PEAK1: variants seen among roughly 807,000 people sequenced by gnomAD.
PEAK1 encodes the protein inactive tyrosine-protein kinase PEAK1.
Under a neutral mutation model 124.7 loss-of-function variants are expected in PEAK1, and 54 were observed. The ratio of observed to expected loss-of-function variants is 0.43; its 90% CI spans 0.35 to 0.54. The LOEUF is 0.54. PEAK1 is among the 20% of genes least tolerant of loss of function. PEAK1 has a pLI of 0.01. For missense variants in PEAK1, 2,046 were observed against 2,134.5 expected, an observed-to-expected ratio of 0.96 and a Z score of 0.82; for synonymous variants, 719 against 760.0, an observed-to-expected ratio of 0.95 and a Z score of 0.89.
In PEAK1 at chr15:77,412,703, G is replaced by C. The variant is rs184482809; in HGVS notation, c.-666+7303C>G. Among the ~76,000 whole-genome samples, 67 of 152,196 alleles carry C rather than the reference G, an allele frequency of 4.4e-4. 1 individual carries two copies. The highest frequency in any genetic ancestry group is 7.9e-4 in the Admixed American group (12 of 15,284). ...CAGCAATGAGCACACTTAGCATCCA[G>C]ATCTTGGCTTCAAAATATCATCCTC... On this transcript the variant is annotated intron_variant, in intron 1 of 9. Transcript: ENST00000682557.
intron 6 of PEAK1, among the ~76,000 whole-genome samples, chr15:77,226,179 T>C (rs1160775850): frequency 6.8e-6 from 1 of 147,110 alleles, no homozygotes; most frequent in Non-Finnish European, 1.5e-5. Flanking sequence ...CTCTTTTCTC[T>C]TGTGGCTTTT....
At chr15:77,386,161 A>C (rs1197713009) in intron 1 of PEAK1, among the ~76,000 whole-genome samples, 3 of 152,230 alleles carry the variant, frequency 2.0e-5, no homozygotes, top group Admixed American at 2.0e-4. Flanking sequence ...TATTCCTCAG[A>C]AAATCTATTT....
chr15:77,126,258 C>T (rs973952283), intron 9 of PEAK1, among the ~76,000 whole-genome samples: 4 of 152,134 alleles, frequency 2.6e-5, no homozygotes, highest in African/African-American at 7.2e-5. Context: ...CATAATTTTA[C>T]GTAGTCTTCA....
At chr15:77,163,374 T>C (rs749534201) in intron 7 of PEAK1, among the ~76,000 whole-genome samples, 1 of 152,244 alleles carries the variant, frequency 6.6e-6, no homozygotes, top group Non-Finnish European at 1.5e-5. Flanking sequence ...TTGTCTGTTA[T>C]ATAAACAAAT....
At chr15:77,242,660 G>A (rs1265608898) in intron 6 of PEAK1, among the ~76,000 whole-genome samples, 1 of 152,106 alleles carries the variant, frequency 6.6e-6, no homozygotes, top group Non-Finnish European at 1.5e-5. Flanking sequence ...CCTATTTTTA[G>A]TTTGTGTGCC....
intron 8 of PEAK1, among the ~76,000 whole-genome samples, chr15:77,147,417 G>A (rs2054247939): frequency 6.6e-6 from 1 of 152,160 alleles, no homozygotes; most frequent in Admixed American, 6.5e-5. Context: ...TTCTAAAAAG[G>A]AATGTAGAAG....
At chr15:77,370,400 T>A (rs1244954583) in intron 1 of PEAK1, among the ~76,000 whole-genome samples, 3 of 152,118 alleles carry the variant, frequency 2.0e-5, no homozygotes, top group Non-Finnish European at 4.4e-5. Flanking sequence ...AAATGTCACC[T>A]CAGGGGAAAA....
At chr15:77,125,642 C>A (rs1451820053) in intron 9 of PEAK1, among the ~76,000 whole-genome samples, 1 of 152,212 alleles carries the variant, frequency 6.6e-6, no homozygotes, top group Non-Finnish European at 1.5e-5. Flanking sequence ...GCAAAGGTAA[C>A]AGCTAATATG....
chr15:77,160,105 T>A (rs2055498706), intron 7 of PEAK1, among the ~76,000 whole-genome samples: 1 of 152,020 alleles, frequency 6.6e-6, no homozygotes, highest in South Asian at 2.1e-4. Flanking sequence ...CTCGATGGGC[T>A]GCCCTCGGTC....
At chr15:77,125,808 C>T (rs1286183597) in intron 9 of PEAK1, among the ~76,000 whole-genome samples, 1 of 152,328 alleles carries the variant, frequency 6.6e-6, no homozygotes, top group East Asian at 1.9e-4. Flanking sequence ...CATTCTGATT[C>T]TGTAGGAAAT....
chr15:77,256,804 C>G (rs1161907997), intron 5 of PEAK1, among the ~76,000 whole-genome samples: 1 of 151,850 alleles, frequency 6.6e-6, no homozygotes, highest in East Asian at 1.9e-4. Context: ...TATACATGTG[C>G]CATGCTGGTG....
At chr15:77,127,213 G>A (rs185571333) in intron 9 of PEAK1, among the ~76,000 whole-genome samples, 2 of 152,338 alleles carry the variant, frequency 1.3e-5, no homozygotes, top group Non-Finnish European at 2.9e-5. Flanking sequence ...AAGCCAGGAA[G>A]AGAGCCCTCA....
At chr15:77,269,094 C>T (rs1402462243) in intron 5 of PEAK1, among the ~76,000 whole-genome samples, 1 of 147,766 alleles carries the variant, frequency 6.8e-6, no homozygotes, top group Non-Finnish European at 1.5e-5. Flanking sequence ...ACCTATAAAA[C>T]AACAACACAA....
chr15:77,150,559 A>C (rs531400675), intron 8 of PEAK1, among the ~76,000 whole-genome samples: 2 of 152,032 alleles, frequency 1.3e-5, no homozygotes, highest in African/African-American at 2.4e-5. Context: ...ATGTGCACAA[A>C]GTGCAGGTTT....
chr15:77,251,593 CTTGA>C (rs1368523272), intron 6 of PEAK1, among the ~76,000 whole-genome samples: 3 of 152,104 alleles, frequency 2.0e-5, no homozygotes, highest in Non-Finnish European at 2.9e-5. Flanking sequence ...ACCTATGTTG[CTTGA>C]TTATTTCTAT....
At chr15:77,323,225 G>A (rs1052673080) in intron 2 of PEAK1, among the ~76,000 whole-genome samples, 1 of 152,194 alleles carries the variant, frequency 6.6e-6, no homozygotes, top group African/African-American at 2.4e-5. Context: ...ACTGGCACAA[G>A]ACAGGGATGC....
chr15:77,153,945 A>G (rs2054889415), intron 8 of PEAK1, among the ~76,000 whole-genome samples: 1 of 152,164 alleles, frequency 6.6e-6, no homozygotes, highest in African/African-American at 2.4e-5. Context: ...GTGGTGCTGA[A>G]AAAAATGTAT....
In PEAK1 at chr15:77,393,648, G is replaced by A. The variant is rs1597581251; in HGVS notation, c.-666+26358C>T. 9.2e-5 allele frequency among the ~76,000 whole-genome samples: 14 copies of A among 152,270 alleles called. 1 individual carries two copies. The South Asian group carries it at 2.9e-3, about 32-fold the overall frequency. On this transcript the variant is annotated intron_variant, in intron 1 of 9. Coordinates refer to ENST00000682557, the MANE Select transcript of PEAK1 (RefSeq NM_001385026.1). ...TGTTAGCTAGGCAGTACTTGCCAAGGGCCTTGGGTGAGACTTGGCTTCAGG... is the reference window on the plus strand; with the variant it reads ...TGTTAGCTAGGCAGTACTTGCCAAGAGCCTTGGGTGAGACTTGGCTTCAGG...
chr15:77,132,848 T>A (rs1343518607), intron 9 of PEAK1, among the ~76,000 whole-genome samples, 157 bp downstream of exon 9: 2 of 151,922 alleles, frequency 1.3e-5, no homozygotes, highest in Non-Finnish European at 2.9e-5. Context: ...AAATAATAAA[T>A]AAGCCCCCTG....
Sources: gnomAD v4.1 joint callset for allele counts (sites outside exome capture counted in the v4.1 genomes callset) on GRCh38, gnomAD v4.1.1 for gene constraint, MANE v1.5 for transcripts, NCBI Gene and HGNC (gene_info 2026-07-23, HGNC 2026-07-21) for gene names.